Variants in DPP10 observed in about 807,000 individuals in gnomAD.
The protein encoded by DPP10 is dipeptidyl peptidase like 10.
DPP10 carries 33 observed loss-of-function variants against 120.9 expected under a neutral mutation model. The observed-to-expected ratio is 0.27, with a 90% CI of 0.21 to 0.37. DPP10 has a LOEUF of 0.37. DPP10 is among the 10% of genes least tolerant of loss of function. The probability of loss-of-function intolerance (pLI) is 1.00; values close to 1 mark genes in which losing one functional copy is unlikely to be tolerated. For synonymous variants in DPP10, 337 were observed against 326.1 expected (o/e 1.03, Z -0.36); for missense variants, 816 against 942.8 (o/e 0.87, Z 1.76).
chr2:115,631,743 A>C (rs925187203), intron 5 of DPP10, among the ~76,000 whole-genome samples: 4 of 152,152 alleles, frequency 2.6e-5, no homozygotes, highest in Non-Finnish European at 4.4e-5. Flanking sequence ...CTTGATCCTA[A>C]GTTCTAATTT....
chr2:115,047,265 T>A (rs1046116505), intron 1 of DPP10, among the ~76,000 whole-genome samples: 1 of 152,078 alleles, frequency 6.6e-6, no homozygotes, highest in African/African-American at 2.4e-5. Context: ...CATACTTGGA[T>A]CCTTCCAATC....
chr2:115,041,348 C>T lies in DPP10; in HGVS notation c.61-267891C>T, dbSNP rs554871561. ...GATACGAACCCTGCTCACATTGATA[C>T]GATTTCTGGTATCTACTACTTGTAG... On this transcript the variant is annotated intron_variant, in intron 1 of 25. Coordinates refer to ENST00000410059, the MANE Select transcript of DPP10 (RefSeq NM_020868.6). Among the ~76,000 whole-genome samples the T allele has an allele frequency of 1.2e-4, 18 of 152,172 alleles. No individual in the cohort carries two copies. In the South Asian group the frequency reaches 3.1e-3, roughly 26 times the overall value.
chr2:115,728,288 TAAA>T (rs60549082), intron 8 of DPP10, among the ~76,000 whole-genome samples: 78,284 of 147,312 alleles, frequency 0.53, 20,838 homozygotes, highest in Middle Eastern at 0.66. Flanking sequence ...CCTTTATTTC[TAAA>T]AAAAAAAAAA....
chr2:115,193,503 A>G (rs2055029367), intron 1 of DPP10, among the ~76,000 whole-genome samples: 1 of 152,234 alleles, frequency 6.6e-6, no homozygotes, highest in African/African-American at 2.4e-5. Flanking sequence ...TCTGATGTCC[A>G]GGGCCATGGA....
intron 7 of DPP10, among the ~76,000 whole-genome samples, chr2:115,701,509 G>C (rs1428912608): frequency 6.6e-6 from 1 of 152,062 alleles, no homozygotes; most frequent in Non-Finnish European, 1.5e-5. Flanking sequence ...TCAGAAGTTT[G>C]AAGATATTGG....
intron 3 of DPP10, among the ~76,000 whole-genome samples, chr2:115,482,140 T>C (rs2075472297): frequency 6.6e-6 from 1 of 151,966 alleles, no homozygotes; most frequent in Non-Finnish European, 1.5e-5. Flanking sequence ...GTTGTTTCCG[T>C]TTTGGTCATC....
chr2:115,320,762 A>T (rs1013974762), intron 2 of DPP10, among the ~76,000 whole-genome samples: 3 of 152,150 alleles, frequency 2.0e-5, no homozygotes, highest in Non-Finnish European at 4.4e-5. Flanking sequence ...AATATACAAT[A>T]AGACTGCCTT....
intron 1 of DPP10, among the ~76,000 whole-genome samples, chr2:115,188,842 A>T (rs1440437697): frequency 6.6e-6 from 1 of 152,170 alleles, no homozygotes; most frequent in Non-Finnish European, 1.5e-5. Context: ...AAAATATGAA[A>T]AAAAAAAGCA....
intron 1 of DPP10, among the ~76,000 whole-genome samples, chr2:115,036,283 C>T (rs1030166792): frequency 3.3e-5 from 5 of 152,144 alleles, no homozygotes; most frequent in Non-Finnish European, 5.9e-5. Flanking sequence ...TTACCTCCGC[C>T]TTGTCCTGTC....
At chr2:115,185,523 T>G (rs2054373573) in intron 1 of DPP10, among the ~76,000 whole-genome samples, 1 of 152,180 alleles carries the variant, frequency 6.6e-6, no homozygotes, top group Admixed American at 6.5e-5. Context: ...TAAAAAATGA[T>G]GAGTACTTTC....
At chr2:114,516,172 C>A (rs1422703058) in intron 1 of DPP10, among the ~76,000 whole-genome samples, 1 of 152,150 alleles carries the variant, frequency 6.6e-6, no homozygotes, top group East Asian at 1.9e-4. Flanking sequence ...AACAACTGTT[C>A]TAGAAAGAGA....
chr2:115,062,571 T>G (rs1314291768), intron 1 of DPP10, among the ~76,000 whole-genome samples: 1 of 152,218 alleles, frequency 6.6e-6, no homozygotes, highest in South Asian at 2.1e-4. Flanking sequence ...CCCCAGTGTG[T>G]GTTGTTCTTC....
chr2:114,753,432 A>G (rs1365223142), intron 1 of DPP10, among the ~76,000 whole-genome samples: 2 of 152,200 alleles, frequency 1.3e-5, no homozygotes, highest in Non-Finnish European at 2.9e-5. Context: ...TGTAAGTCTT[A>G]TCTCCAGTGA....
At chr2:115,362,052 GTGTT>G (rs2064811347) in intron 3 of DPP10, among the ~76,000 whole-genome samples, 2 of 151,932 alleles carry the variant, frequency 1.3e-5, no homozygotes, top group Non-Finnish European at 1.5e-5. Flanking sequence ...GTATATTTGT[GTGTT>G]TGTGCATTTC....
chr2:115,620,413 T>A (rs2084857029), intron 5 of DPP10, among the ~76,000 whole-genome samples: 2 of 152,222 alleles, frequency 1.3e-5, no homozygotes. Flanking sequence ...AGTTCATCAT[T>A]CTTTTCAGAT....
chr2:115,380,448 C>G (rs1481741936), intron 3 of DPP10, among the ~76,000 whole-genome samples: 1 of 152,144 alleles, frequency 6.6e-6, no homozygotes, highest in African/African-American at 2.4e-5. Context: ...ATGTGTGTCT[C>G]TGCATGTGAG....
chr2:115,109,126 T>C (rs557668700), intron 1 of DPP10, among the ~76,000 whole-genome samples: 5 of 152,214 alleles, frequency 3.3e-5, no homozygotes, highest in African/African-American at 4.8e-5. Flanking sequence ...ATATTCATAA[T>C]CTTACTCAAG....
chr2:115,541,165 G>T (rs1326028870), intron 5 of DPP10, among the ~76,000 whole-genome samples: 1 of 151,812 alleles, frequency 6.6e-6, no homozygotes, highest in Non-Finnish European at 1.5e-5. Flanking sequence ...GTATTTATTA[G>T]TTATTCACTT....
At chr2:114,927,610 G>A (rs771987696) in intron 1 of DPP10, among the ~76,000 whole-genome samples, 6 of 152,162 alleles carry the variant, frequency 3.9e-5, no homozygotes, top group Non-Finnish European at 5.9e-5. Context: ...TGAGCAGCAG[G>A]ATGACTTTGA....
Sources: gnomAD v4.1 joint callset for allele counts (sites outside exome capture counted in the v4.1 genomes callset) on GRCh38, gnomAD v4.1.1 for gene constraint, MANE v1.5 for transcripts, NCBI Gene and HGNC (gene_info 2026-07-23, HGNC 2026-07-21) for gene names.